Variants in ZNF493 observed in about 807,000 individuals in gnomAD.
The protein encoded by ZNF493 is zinc finger protein 493.
A neutral mutation model predicts 12.2 loss-of-function variants in ZNF493; 11 were observed. That is an observed-to-expected ratio of 0.90 (90% CI 0.57 to 1.50). The LOEUF is 1.50. Among genes scored for constraint, ZNF493 ranks in the 40% most tolerant of loss-of-function variants. The pLI is 0.00. For synonymous variants in ZNF493, 286 were observed against 302.6 expected (o/e 0.95, Z 0.57); for missense variants, 950 against 906.6 (o/e 1.05, Z -0.61).
rs145782852 is a variant in ZNF493 at position 21,423,291 on chromosome 19, G to T, written c.632G>T (p.Arg211Leu). Residue 211 changes from arginine to leucine, a missense_variant, in exon 4 of 4, where the codon CGA (arginine) becomes CTA (leucine). By Grantham distance (102) the Arg-to-Leu change is moderately radical. Transcript: ENST00000392288. ...KRIHIRENSY[R>L]CEECGKAFIW... is the part of the protein sequence containing the mutation. ...ATTCATATTAGAGAGAATTCTTACC[G>T]ATGTGAAGAATGTGGCAAAGCCTTT... 274 of 1,613,614 alleles carry T rather than the reference G, an allele frequency of 1.7e-4. 1 individual carries two copies. The highest frequency in any genetic ancestry group is 2.2e-4 in the Non-Finnish European group (259 of 1,179,834).
chr19:21,423,572 T>C lies in ZNF493; in HGVS notation c.913T>C (p.Ser305Pro), dbSNP rs138191084. 1.6e-4 allele frequency: 254 copies of C among 1,613,658 alleles called. 1 individual carries two copies. In the African/African-American group the frequency reaches 3.2e-3, roughly 20 times the overall value. The change falls in exon 4 of 4, where the codon TCT becomes CCT. Residue 305 changes from serine to proline, a missense_variant. By Grantham distance (74) the Ser-to-Pro change is moderately conservative. Coordinates refer to ENST00000392288, the MANE Select transcript of ZNF493 (RefSeq NM_001076678.3). ...CEQYGKTFNQ[S>P]STLTGHKIIH... ...ACAATATGGCAAAACTTTTAACCAATCTTCAACCCTTACTGGACATAAGAT... is the reference window on the plus strand; with the variant it reads ...ACAATATGGCAAAACTTTTAACCAACCTTCAACCCTTACTGGACATAAGAT...
chr19:21,402,289 T>C (rs1011561622), intron 1 of ZNF493, among the ~76,000 whole-genome samples: 1 of 152,186 alleles, frequency 6.6e-6, no homozygotes, highest in African/African-American at 2.4e-5. Flanking sequence ...TTATTACTAA[T>C]TCAATTTTGG....
At chr19:21,411,956 G>C (rs1175669228) in intron 3 of ZNF493, 1 of 151,984 alleles carries the variant, frequency 6.6e-6, no homozygotes, top group African/African-American at 2.4e-5. Flanking sequence ...ATTTTGAACA[G>C]GAGCATGCTG....
intron 2 of ZNF493, 176 bp from the exon 3 acceptor site, chr19:21,405,585 T>TC (rs2145271138): frequency 8.8e-7 from 1 of 1,129,980 alleles, no homozygotes; most frequent in East Asian, 2.9e-5. Flanking sequence ...GGTGGCAAAA[T>TC]TAAGCACCTA....
intron 3 of ZNF493, chr19:21,407,831 C>T: frequency 1.0e-6 from 1 of 985,262 alleles, no homozygotes; most frequent in Non-Finnish European, 1.2e-6. Context: ...CATTATTCTG[C>T]CACATGCTTC....
intron 3 of ZNF493, among the ~76,000 whole-genome samples, chr19:21,420,210 G>T (rs933585760): frequency 6.6e-6 from 1 of 152,054 alleles, no homozygotes; most frequent in African/African-American, 2.4e-5. Context: ...GAAACAAAGA[G>T]ATTTACTAAT....
intron 1 of ZNF493, 43 bp downstream of exon 1, chr19:21,397,310 T>G: frequency 6.2e-7 from 1 of 1,613,360 alleles, no homozygotes; most frequent in Non-Finnish European, 8.5e-7. Context: ...GGGAAGGAGT[T>G]GCTCGGAACC....
chr19:21,398,668 GA>G, intron 1 of ZNF493: 1 of 375,434 alleles, frequency 2.7e-6, no homozygotes, highest in Non-Finnish European at 5.3e-6. Flanking sequence ...TTCTGGGGCT[GA>G]GGGGAATCTT....
In ZNF493 at chr19:21,424,375, C is replaced by G. The variant is rs1169086607; in HGVS notation, c.1716C>G (p.Pro572=). The change falls in exon 4 of 4, where the codon CCC becomes CCG. Residue 572 remains proline, a synonymous_variant. Coordinates refer to ENST00000392288, the MANE Select transcript of ZNF493 (RefSeq NM_001076678.3). ...THKRIHTGHK[P]YKCKECGKSF... ...AGAGAATTCATACTGGACACAAACC[C>G]TACAAATGTAAAGAATGTGGCAAAT... 3.7e-6 allele frequency: 6 copies of G among 1,613,250 alleles called. No homozygotes were observed.
chr19:21,412,984 T>C (rs891806836), intron 3 of ZNF493: 1 of 391,890 alleles, frequency 2.6e-6, no homozygotes, highest in African/African-American at 2.1e-5. Context: ...GCCATACTTC[T>C]TATCATTTCT....
intron 3 of ZNF493, among the ~76,000 whole-genome samples, chr19:21,419,982 T>G (rs1453622925): frequency 6.6e-6 from 1 of 152,160 alleles, no homozygotes; most frequent in Non-Finnish European, 1.5e-5. Context: ...ACACGGCCAC[T>G]CCTCTCCCAG....
chr19:21,415,436 A>T (rs1381779353), intron 3 of ZNF493, among the ~76,000 whole-genome samples: 1 of 152,158 alleles, frequency 6.6e-6, no homozygotes, highest in Admixed American at 6.6e-5. Context: ...TGATCCCTAC[A>T]TATTGTTCCT....
chr19:21,397,150 C>A lies in ZNF493; in HGVS notation c.-88C>A. 1.3e-6 allele frequency: 2 copies of A among 1,488,038 alleles called. No homozygotes were observed. Among genetic ancestry groups the A allele is most frequent in the Non-Finnish European group, 1.9e-6 (2 of 1,066,124 alleles). The allele number at this position is 1,488,038 out of a possible 1,614,324, so 92.2% of individuals were successfully genotyped here. ...GCTGGGCCATTGTTTCTCTCTGCTGCCGGAGCTCCAGGTCTACCCTTCACT... is the reference window on the plus strand; with the variant it reads ...GCTGGGCCATTGTTTCTCTCTGCTGACGGAGCTCCAGGTCTACCCTTCACT... On this transcript the variant is annotated 5_prime_UTR_variant, in exon 1 of 4. Coordinates refer to ENST00000392288, the MANE Select transcript of ZNF493 (RefSeq NM_001076678.3).
rs1227276255 is a variant in ZNF493, at chr19:21,405,224, G to A, written c.126G>A (p.Met42Ile). The A allele has an allele frequency of 1.2e-6, 2 of 1,613,798 alleles. No individual in the cohort carries two copies. The highest frequency in any genetic ancestry group is 1.3e-5 in the African/African-American group (1 of 74,878). The change falls in exon 2 of 4, where the codon ATG becomes ATA. Residue 42 changes from methionine to isoleucine, a missense_variant. Transcript: ENST00000392288. ...TAQQDLYRKVMLENYRNLVFL... is the reference protein window; with the variant it reads ...TAQQDLYRKVILENYRNLVFL... ...AGCAGGATTTGTATAGGAAAGTGAT[G>A]TTAGAGAACTACAGAAACCTGGTCT...
chr19:21,404,392 G>T (rs2030047097), intron 1 of ZNF493, among the ~76,000 whole-genome samples: 1 of 152,148 alleles, frequency 6.6e-6, no homozygotes, highest in South Asian at 2.1e-4. Flanking sequence ...TTACTTAAAA[G>T]AGCTCTCTGA....
chr19:21,399,172 T>A (rs763438568), intron 1 of ZNF493, among the ~76,000 whole-genome samples: 45 of 152,068 alleles, frequency 3.0e-4, no homozygotes, highest in Non-Finnish European at 5.4e-4. Flanking sequence ...TTTATTTTTT[T>A]ATTTTTATTT....
At position 21,397,207 on chromosome 19, in the gene ZNF493, A is replaced by C; in HGVS notation, c.-31A>C. On this transcript the variant is annotated 5_prime_UTR_variant, in exon 1 of 4. Coordinates refer to ENST00000392288, the MANE Select transcript of ZNF493 (RefSeq NM_001076678.3). ...TGTCCTCAGCGTGTGTGGCTTCGTGACCTGAAGATACTGGGAAATCCATAG... is the reference window on the plus strand; with the variant it reads ...TGTCCTCAGCGTGTGTGGCTTCGTGCCCTGAAGATACTGGGAAATCCATAG... The C allele has an allele frequency of 6.2e-7, 1 of 1,614,054 alleles. No individual in the cohort carries two copies. The highest frequency in any genetic ancestry group is 8.5e-7 in the Non-Finnish European group (1 of 1,179,930).
In ZNF493 at chr19:21,425,842, G is replaced by A. The variant is rs1274465530; in HGVS notation, c.*858G>A. 3.5e-6 allele frequency: 2 copies of A among 565,286 alleles called. No homozygotes were observed. Among genetic ancestry groups the A allele is most frequent in the Admixed American group, 4.0e-5 (2 of 49,962 alleles). 35.0% of individuals were successfully genotyped at this position (565,286 alleles called of 1,614,324 possible). Reference sequence around the variant, plus strand: ...CCTAGTAAACATAATTAATGATGGAGAGAAACCATACAACTGTGAAGAATG... The same window carrying A: ...CCTAGTAAACATAATTAATGATGGAAAGAAACCATACAACTGTGAAGAATG... On this transcript the variant is annotated 3_prime_UTR_variant, in exon 4 of 4. Coordinates refer to ENST00000392288, the MANE Select transcript of ZNF493 (RefSeq NM_001076678.3).
intron 3 of ZNF493, among the ~76,000 whole-genome samples, chr19:21,417,310 A>G (rs974572092): frequency 6.6e-6 from 1 of 151,560 alleles, no homozygotes; most frequent in African/African-American, 2.4e-5. Flanking sequence ...TCCTTTATCC[A>G]CTCTCAGTCT....
Sources: allele counts gnomAD v4.1 joint callset (sites outside exome capture counted in the v4.1 genomes callset), GRCh38; gene constraint gnomAD v4.1.1; transcripts MANE v1.5; gene names NCBI Gene and HGNC (gene_info 2026-07-23, HGNC 2026-07-21).